Variants in DOCK1 observed in about 807,000 individuals in gnomAD.
DOCK1 encodes the protein dedicator of cytokinesis protein 1.
A neutral mutation model predicts 262.7 loss-of-function variants in DOCK1; 138 were observed. The observed-to-expected ratio is 0.53, with a 90% CI of 0.46 to 0.61. The LOEUF is 0.61. Among genes scored for constraint, DOCK1 ranks in the 20% least tolerant of loss-of-function variants. DOCK1 has a pLI of 0.00. For missense variants in DOCK1, 1,908 were observed against 2,370.7 expected (o/e 0.80, Z 4.05); for synonymous variants, 866 against 867.4 (o/e 1.00, Z 0.03).
At chr10:127,023,979 C>A (rs190237803) in intron 14 of DOCK1, among the ~76,000 whole-genome samples, 1 of 152,186 alleles carries the variant, frequency 6.6e-6, no homozygotes, top group African/African-American at 2.4e-5. Flanking sequence ...CGTGCTCTAC[C>A]TACCGGCGAT....
At chr10:127,405,384 A>T (rs537818892) in intron 40 of DOCK1, among the ~76,000 whole-genome samples, 2 of 151,948 alleles carry the variant, frequency 1.3e-5, no homozygotes, top group South Asian at 4.2e-4. Context: ...TTTCTCAAGA[A>T]CACATTCTTT....
intron 10 of DOCK1, among the ~76,000 whole-genome samples, chr10:127,005,387 AT>A (rs1329228382): frequency 6.6e-6 from 1 of 152,080 alleles, no homozygotes; most frequent in Non-Finnish European, 1.5e-5. Context: ...GTTGATCAAC[AT>A]TTTGGTAATC....
chr10:127,327,658 G>A (rs914842430), intron 29 of DOCK1, among the ~76,000 whole-genome samples: 2 of 152,178 alleles, frequency 1.3e-5, no homozygotes, highest in African/African-American at 4.8e-5. Flanking sequence ...GAAACACATA[G>A]CAAAGAAAAT....
At chr10:127,353,402 TG>T (rs913060432) in intron 31 of DOCK1, among the ~76,000 whole-genome samples, 4 of 152,096 alleles carry the variant, frequency 2.6e-5, no homozygotes, top group Non-Finnish European at 5.9e-5. Flanking sequence ...CCTGGGCAAT[TG>T]GGGGGCGTGA....
intron 29 of DOCK1, among the ~76,000 whole-genome samples, chr10:127,313,803 A>T (rs184144124): frequency 6.6e-6 from 1 of 151,902 alleles, no homozygotes; most frequent in Non-Finnish European, 1.5e-5. Flanking sequence ...GGGCTGAGGG[A>T]TTTCATCTAG....
intron 27 of DOCK1, among the ~76,000 whole-genome samples, chr10:127,163,642 G>A (rs564110074): frequency 2.0e-4 from 31 of 152,168 alleles, no homozygotes; most frequent in South Asian, 1.5e-3. Flanking sequence ...TTTGTGATGC[G>A]TCTGTCTAAA....
Position 127,433,360 on chromosome 10 carries a change from C to T in DOCK1, c.4992C>T (p.Arg1664=), listed in dbSNP as rs1317016954. Residue 1664 remains arginine, a synonymous_variant, in exon 48 of 52, where the codon CGC becomes CGT. Coordinates refer to ENST00000623213, the MANE Select transcript of DOCK1 (RefSeq NM_001290223.2). ...VRSFTMPSSS[R]PLSVASVSSL... ...CCTTCACGATGCCTTCCTCATCCCG[C>T]CCTCTGTCTGTGGCCTCTGTCTCTT... The T allele has an allele frequency of 3.1e-6, 5 of 1,613,868 alleles. No homozygotes were observed. Among genetic ancestry groups the T allele is most frequent in the Admixed American group, 3.3e-5 (2 of 60,006 alleles).
At chr10:127,076,457 C>T (rs765033156) in intron 23 of DOCK1, among the ~76,000 whole-genome samples, 12 of 152,152 alleles carry the variant, frequency 7.9e-5, no homozygotes, top group African/African-American at 2.7e-4. Flanking sequence ...GCCAAGATCA[C>T]GCCACTGCAC....
At chr10:127,006,011 C>G (rs982451603) in intron 10 of DOCK1, among the ~76,000 whole-genome samples, 30 of 152,328 alleles carry the variant, frequency 2.0e-4, no homozygotes, top group Admixed American at 1.5e-3. Flanking sequence ...AGCCTGTAGT[C>G]CTGTGATTCC....
At position 127,197,951 on chromosome 10, in the gene DOCK1, G is replaced by A. The variant is rs79727527; in HGVS notation, c.2848-50057G>A. On this transcript the variant is annotated intron_variant, in intron 27 of 51. Transcript: ENST00000623213. ...CCTCTTTACCCCGCAGCATCCTTTG[G>A]TATACAATTTTGCCAGCCTTGGGGA... Among the ~76,000 whole-genome samples the A allele has an allele frequency of 4.7e-3, 718 of 152,288 alleles. 6 individuals carry two copies. Among genetic ancestry groups the A allele is most frequent in the African/African-American group, 0.016 (684 of 41,560 alleles).
chr10:127,050,539 T>C (rs183565250), intron 21 of DOCK1, among the ~76,000 whole-genome samples: 116 of 105,248 alleles, frequency 1.1e-3, no homozygotes, highest in African/African-American at 3.5e-3. Flanking sequence ...GGTGAAACCC[T>C]GTCTCTACTA....
intron 1 of DOCK1, among the ~76,000 whole-genome samples, chr10:126,948,692 C>G: frequency 6.6e-6 from 1 of 152,066 alleles, no homozygotes; most frequent in Non-Finnish European, 1.5e-5. Context: ...GAATCCTCAC[C>G]TCTCGGAGCC....
intron 1 of DOCK1, among the ~76,000 whole-genome samples, chr10:126,944,373 C>G (rs1025742746): frequency 0.66 from 100,429 of 151,726 alleles, 33,841 homozygotes; most frequent in African/African-American, 0.74. Context: ...GCCCTCAGCA[C>G]GCAGAGCCAT....
At chr10:127,043,366 A>G (rs906094411) in intron 21 of DOCK1, among the ~76,000 whole-genome samples, 1 of 152,166 alleles carries the variant, frequency 6.6e-6, no homozygotes, top group Non-Finnish European at 1.5e-5. Flanking sequence ...AATCATCGTA[A>G]TATTCTGGAA....
intron 23 of DOCK1, among the ~76,000 whole-genome samples, chr10:127,076,008 C>T (rs187208591): frequency 6.6e-6 from 1 of 152,274 alleles, no homozygotes; most frequent in African/African-American, 2.4e-5. Flanking sequence ...ATGATACACT[C>T]GTGGCCAGCA....
intron 38 of DOCK1, among the ~76,000 whole-genome samples, chr10:127,386,511 A>C (rs4751306): frequency 0.8 from 120,053 of 150,142 alleles, 48,084 homozygotes; most frequent in African/African-American, 0.85. Context: ...CTCACAGGAG[A>C]ATGATACCTA....
intron 4 of DOCK1, 115 bp downstream of exon 4, chr10:126,982,088 C>T (rs2039025566): frequency 8.8e-7 from 1 of 1,129,996 alleles, no homozygotes; most frequent in East Asian, 2.5e-5. Flanking sequence ...TGATTGACTC[C>T]TGGGGGACAG....
intron 33 of DOCK1, among the ~76,000 whole-genome samples, chr10:127,369,720 A>G (rs918373401): frequency 6.6e-6 from 1 of 152,212 alleles, no homozygotes; most frequent in African/African-American, 2.4e-5. Flanking sequence ...GTTTCACAGG[A>G]GCTCCAAGGT....
At chr10:127,196,683 G>A (rs2057186495) in intron 27 of DOCK1, among the ~76,000 whole-genome samples, 1 of 149,556 alleles carries the variant, frequency 6.7e-6, no homozygotes, top group African/African-American at 2.4e-5. Flanking sequence ...AGGGAGTGGA[G>A]GAGCCCCCTC....
Sources: allele counts gnomAD v4.1 joint callset (sites outside exome capture counted in the v4.1 genomes callset), GRCh38; gene constraint gnomAD v4.1.1; transcripts MANE v1.5; gene names NCBI Gene and HGNC (gene_info 2026-07-23, HGNC 2026-07-21).